The following MRPL2 variants were observed in gnomAD, a reference collection of about 807,000 sequenced individuals.
MRPL2 encodes the protein large ribosomal subunit protein uL2m.
A neutral mutation model predicts 34.6 loss-of-function variants in MRPL2; 27 were observed. The observed-to-expected ratio is 0.78, with a 90% CI of 0.58 to 1.08. The LOEUF (loss-of-function observed/expected upper bound fraction) is 1.08, where lower values mean the gene tolerates loss of function less well. Ranked by LOEUF, MRPL2 falls within the 50% of genes least tolerant of loss-of-function variation. MRPL2 has a pLI of 0.00. For missense variants in MRPL2, 414 were observed against 419.3 expected, an observed-to-expected ratio of 0.99 and a Z score of 0.11; for synonymous variants, 155 against 158.0, an observed-to-expected ratio of 0.98 and a Z score of 0.14.
intron 6 of MRPL2, among the ~76,000 whole-genome samples, chr6:43,054,929 T>G (rs1018959143): frequency 1.3e-5 from 2 of 151,412 alleles, no homozygotes; most frequent in Non-Finnish European, 2.9e-5. Context: ...AATACGAAAA[T>G]TAGCCTGGTG....
Position 43,055,555 on chromosome 6 carries a change from C to T in MRPL2, c.695G>A (p.Arg232Lys), listed in dbSNP as rs1445007840. ...GTAIIQLPSK[R>K]QMQVLETCVA... ...CATACCCATACACACCTGCATCTGC[C>T]TCTTAGAGGGCAGCTGGATAATGGC... Residue 232 changes from arginine to lysine, a missense_variant, in exon 6 of 7, where the codon AGG (arginine) becomes AAG (lysine). Transcript: ENST00000388752. 1 of 1,613,914 alleles carries T rather than the reference C, an allele frequency of 6.2e-7. No homozygotes were observed. The highest frequency in any genetic ancestry group is 8.5e-7 in the Non-Finnish European group (1 of 1,180,024).
intron 5 of MRPL2, 126 bp from the exon 6 acceptor site, chr6:43,055,744 C>T: frequency 7.7e-7 from 1 of 1,298,110 alleles, no homozygotes; most frequent in Non-Finnish European, 1.1e-6. Context: ...AAGAAGGACG[C>T]ATGCTATGTT....
upstream of MRPL2, chr6:43,059,445 C>T (rs867454538): frequency 6.9e-5 from 102 of 1,475,856 alleles, no homozygotes; most frequent in African/African-American, 1.0e-3. Context: ...GACTGTCCGG[C>T]GCCGTCGCTC....
upstream of MRPL2, chr6:43,059,744 C>T (rs1016660769): frequency 3.3e-6 from 4 of 1,222,818 alleles, no homozygotes; most frequent in African/African-American, 4.7e-5. Context: ...CTCTTATTCT[C>T]GCACTACCAG....
upstream of MRPL2, chr6:43,059,487 C>T (rs1765018569): frequency 6.9e-7 from 1 of 1,450,370 alleles, no homozygotes; most frequent in Non-Finnish European, 9.1e-7. Flanking sequence ...GGGCAGAAAA[C>T]TGGAGCCCAA....
chr6:43,058,950 A>C (rs1764983307), intron 1 of MRPL2: 3 of 592,210 alleles, frequency 5.1e-6, no homozygotes, highest in Non-Finnish European at 8.7e-6. Flanking sequence ...AAATGGGAAT[A>C]GTAACTGCCT....
In MRPL2 at chr6:43,059,229, A is replaced by AC. The variant is rs1764998309; in HGVS notation, c.96+56dup. The stretch of plus-strand genomic sequence containing the variant: ...CAACTCCCGCCTCGCATGCCCGCAG[A>AC]CCCCATCTCCGGCAGCCCGAATGGA... On this transcript the variant is annotated intron_variant, in intron 1 of 6. Transcript: ENST00000388752. The AC allele has an allele frequency of 2.6e-6, 4 of 1,550,982 alleles. No individual in the cohort carries two copies. In the East Asian group the frequency reaches 7.3e-5, roughly 28 times the overall value.
At chr6:43,059,592 C>A, upstream of MRPL2, 1 of 1,414,666 alleles carries the variant, frequency 7.1e-7, no homozygotes, top group Non-Finnish European at 9.2e-7. Flanking sequence ...CCCCGCCCCC[C>A]CAGACCCGTC....
chr6:43,056,296 C>G lies in MRPL2; in HGVS notation c.404+11G>C, dbSNP rs767552813. 56 of 1,614,086 alleles carry G rather than the reference C, an allele frequency of 3.5e-5. No homozygotes were observed. In the East Asian group the frequency reaches 1.2e-3, roughly 36 times the overall value. On this transcript the variant is annotated intron_variant, in intron 3 of 6. Coordinates refer to ENST00000388752, the MANE Select transcript of MRPL2 (RefSeq NM_015950.5). ...AGACCATTCCATCATCATCCCACAT[C>G]CCAAACTTGCCTACAGGGATCATAG...
intron 1 of MRPL2, 23 bp downstream of exon 1, chr6:43,059,263 T>C (rs1764999607): frequency 1.3e-6 from 2 of 1,551,180 alleles, no homozygotes; most frequent in Admixed American, 3.9e-5. Context: ...GAAGCAGCCT[T>C]CTTCCCGGGT....
rs770986543 is a variant in MRPL2, at chr6:43,058,088, T to G, written c.242A>C (p.Lys81Thr). ...KYTITPVKMR[K>T]SGGRDHTGRI... ...ACCTGTGTGGTCTCGGCCCCCAGAC[T>G]TCCTCATCTTCACTGGTGTAATGGT... The change falls in exon 2 of 7, where the codon AAG (lysine) becomes ACG (threonine). Residue 81 changes from lysine (K) to threonine (T), a missense_variant. By Grantham distance (78) the Lys-to-Thr change is moderately conservative. Coordinates refer to ENST00000388752, the MANE Select transcript of MRPL2 (RefSeq NM_015950.5). 1.2e-6 allele frequency: 2 copies of G among 1,613,742 alleles called. No individual in the cohort carries two copies. The highest frequency in any genetic ancestry group is 2.2e-5 in the South Asian group (2 of 91,064).
chr6:43,056,468 G>A (rs1764883876), intron 2 of MRPL2, 23 bp from the exon 3 acceptor site: 2 of 1,613,906 alleles, frequency 1.2e-6, no homozygotes, highest in Non-Finnish European at 8.5e-7. Flanking sequence ...ACAGTTGGGG[G>A]ATATGATTCA....
chr6:43,054,188 AC>A lies in MRPL2; in HGVS notation c.*85del, dbSNP rs1016567689. 1.1e-4 allele frequency: 122 copies of A among 1,063,120 alleles called. No individual in the cohort carries two copies. Among genetic ancestry groups the A allele is most frequent in the East Asian group, 2.4e-4 (10 of 41,570 alleles). 65.9% of individuals were successfully genotyped at this position (1,063,120 alleles called of 1,614,324 possible). On this transcript the variant is annotated 3_prime_UTR_variant, in exon 7 of 7. Coordinates refer to ENST00000388752, the MANE Select transcript of MRPL2 (RefSeq NM_015950.5). ...CCTCCCCCGCAAAAAAAAAACAACA[AC>A]AAAAAAAACAAAAAACACCCAAAAC...
At chr6:43,054,557 C>A (rs1764764210) in intron 6 of MRPL2, 71 bp from the exon 7 acceptor site, 1 of 1,336,612 alleles carries the variant, frequency 7.5e-7, no homozygotes, top group South Asian at 1.3e-5. Context: ...AGAGCACACC[C>A]TTGGGGGGCT....
chr6:43,056,076 C>T lies in MRPL2; in HGVS notation c.520+5G>A. On this transcript the variant is annotated splice_donor_5th_base_variant and intron_variant, in intron 4 of 6. Transcript: ENST00000388752. The stretch of plus-strand genomic sequence containing the variant: ...CAGCCCACACATCTGGTAGCCATCT[C>T]TCACCTGCCATTCGGCCTATGTGGT... 1.9e-6 allele frequency: 3 copies of T among 1,614,200 alleles called. No individual in the cohort carries two copies. The highest frequency in any genetic ancestry group is 2.5e-6 in the Non-Finnish European group (3 of 1,180,038).
rs143952438 is a variant in MRPL2 at position 43,056,379 on chromosome 6, C to T, written c.332G>A (p.Arg111His). 2.4e-5 allele frequency: 38 copies of T among 1,614,044 alleles called. No individual in the cohort carries two copies. The highest frequency in any genetic ancestry group is 6.7e-5 in the Admixed American group (4 of 60,006). The part of the protein sequence containing the change: ...KQRYRMIDFL[R>H]FRPEETKSGP... ...TGACTTGGTCTCCTCAGGCCGGAAA[C>T]GCAGAAAGTCAATCATTCGATAACG... The change falls in exon 3 of 7, where the codon CGT becomes CAT. Residue 111 changes from arginine to histidine, a missense_variant. Transcript: ENST00000388752.
intron 6 of MRPL2, among the ~76,000 whole-genome samples, chr6:43,055,087 G>A (rs927190420): frequency 3.3e-5 from 5 of 150,864 alleles, no homozygotes; most frequent in African/African-American, 9.8e-5. Context: ...AAGTAGGGCC[G>A]GGTGTGGTGG....
In MRPL2 at chr6:43,058,108, A is replaced by AAC; in HGVS notation, c.221_222insGT (p.Ile74MetfsTer5). ...CAGACTTCCTCATCTTCACTGGTGTAATGGTGTACTTGGTACGACTCTTCC... is the reference window on the plus strand; with the variant it reads ...CAGACTTCCTCATCTTCACTGGTGTAACATGGTGTACTTGGTACGACTCTTCC... On this transcript the variant is annotated frameshift_variant, in exon 2 of 7. Coordinates refer to ENST00000388752, the MANE Select transcript of MRPL2 (RefSeq NM_015950.5). LOFTEE classifies it high-confidence loss of function. The AAC allele has an allele frequency of 6.2e-7, 1 of 1,614,124 alleles. No homozygotes were observed. Among genetic ancestry groups the AAC allele is most frequent in the East Asian group, 2.2e-5 (1 of 44,884 alleles).
chr6:43,057,853 C>T, intron 2 of MRPL2: 1 of 493,162 alleles, frequency 2.0e-6, no homozygotes, highest in East Asian at 3.2e-5. Context: ...CTTCAATTAC[C>T]CAAATTGTCT....
Sources: gnomAD v4.1 joint callset for allele counts (sites outside exome capture counted in the v4.1 genomes callset) on GRCh38, gnomAD v4.1.1 for gene constraint, MANE v1.5 for transcripts, NCBI Gene and HGNC (gene_info 2026-07-23, HGNC 2026-07-21) for gene names.